FBN3: variants seen among roughly 807,000 people sequenced by gnomAD.
FBN3 encodes the protein fibrillin 3.
In FBN3, 234 loss-of-function variants were observed where a neutral mutation model predicts 330.1. The ratio of observed to expected loss-of-function variants is 0.71; its 90% CI spans 0.64 to 0.79. The LOEUF is 0.79. Ranked by LOEUF, FBN3 falls within the 30% of genes least tolerant of loss-of-function variation. The pLI is 0.00. For missense variants in FBN3, 3,606 were observed against 3,886.9 expected (o/e 0.93, Z 1.92); for synonymous variants, 1,458 against 1,517.3 (o/e 0.96, Z 0.91).
In FBN3 at chr19:8,087,754, G is replaced by A. The variant is rs545429321; in HGVS notation, c.6619+71C>T. 66 of 1,371,764 alleles carry A rather than the reference G, an allele frequency of 4.8e-5. No homozygotes were observed. The South Asian group carries it at 6.1e-4, about 13-fold the overall frequency. The allele number at this position is 1,371,764 out of a possible 1,614,324, so 85.0% of individuals were successfully genotyped here. A position where few individuals can be genotyped will look rare whatever the true frequency, so the allele number is the denominator to read the frequency against. ...CTCCCAAGTAGCTGGGATTACAGGC[G>A]TGTGCCACCATGCCCAGCTAATTTT... On this transcript the variant is annotated intron_variant, in intron 53 of 63. Coordinates refer to ENST00000600128, the MANE Select transcript of FBN3 (RefSeq NM_032447.5).
At chr19:8,100,351 CA>C (rs201560844) in intron 41 of FBN3, among the ~76,000 whole-genome samples, 2,383 of 139,922 alleles carry the variant, frequency 0.017, 23 homozygotes, top group Non-Finnish European at 0.019. Context: ...TTCTCGGAGA[CA>C]AAAAAAAAAA....
At chr19:8,112,269 C>A (rs2082606888) in intron 30 of FBN3, among the ~76,000 whole-genome samples, 170 bp from the exon 31 acceptor site, 1 of 152,056 alleles carries the variant, frequency 6.6e-6, no homozygotes, top group South Asian at 2.1e-4. Flanking sequence ...AAGAGGAAAA[C>A]CCCGAAACCC....
chr19:8,113,841 CAAA>C (rs34470005), intron 30 of FBN3, among the ~76,000 whole-genome samples: 4 of 117,874 alleles, frequency 3.4e-5, no homozygotes, highest in African/African-American at 9.7e-5. Context: ...ACTATCTCTA[CAAA>C]AAAAAAAAAA....
In FBN3 at chr19:8,112,106, G is replaced by A. The variant is rs1218815065; in HGVS notation, c.3839-7C>T. The A allele has an allele frequency of 6.2e-7, 1 of 1,611,980 alleles. No homozygotes were observed. The highest frequency in any genetic ancestry group is 1.3e-5 in the African/African-American group (1 of 74,852). ...ACCTCGCATTCATCCACATCTAAAG[G>A]GAGAGGAGGCACGACGCCAAGACCC... is the stretch of plus-strand genomic sequence containing the variant. On this transcript the variant is annotated splice_region_variant and splice_polypyrimidine_tract_variant and intron_variant, in intron 30 of 63. Transcript: ENST00000600128.
chr19:8,084,281 A>C (rs1356616850), intron 56 of FBN3, among the ~76,000 whole-genome samples: 2 of 152,104 alleles, frequency 1.3e-5, no homozygotes, highest in Non-Finnish European at 1.5e-5. Flanking sequence ...ACTGCCTTCT[A>C]CTTCACAGAT....
At chr19:8,083,805 C>CCTTTCTTTTT (rs2081866091) in intron 56 of FBN3, among the ~76,000 whole-genome samples, 1 of 134,086 alleles carries the variant, frequency 7.5e-6, no homozygotes, top group Non-Finnish European at 1.6e-5. Flanking sequence ...ACTATTTTTT[C>CCTTTCTTTTT]TTTTTTTTTT....
chr19:8,073,232 C>T lies in FBN3; in HGVS notation c.7768G>A (p.Gly2590Ser), dbSNP rs745363817. The change falls in exon 62 of 64, where the codon GGC becomes AGC. Residue 2590 changes from glycine to serine, a missense_variant. Physicochemically the swap from Gly to Ser is moderately conservative, Grantham distance 56. Transcript: ENST00000600128. ...CCAGAGGGGCAGACGCAGCGGAAGC[C>T]ACCAAGAGTGTTGCGACAGGAGGCG... ...GSASCRNTLG[G>S]FRCVCPSGFD... 11 of 1,614,084 alleles carry T rather than the reference C, an allele frequency of 6.8e-6. No homozygotes were observed. In the South Asian group the frequency reaches 9.9e-5, roughly 14 times the overall value.
chr19:8,107,355 GA>G (rs1480252676), intron 37 of FBN3, among the ~76,000 whole-genome samples: 4 of 141,464 alleles, frequency 2.8e-5, no homozygotes, highest in Admixed American at 7.0e-5. Context: ...AGAAGGATAG[GA>G]GGGGAATAAG....
chr19:8,081,966 T>C (rs2081798154), intron 57 of FBN3, among the ~76,000 whole-genome samples: 1 of 150,914 alleles, frequency 6.6e-6, no homozygotes, highest in Admixed American at 6.6e-5. Context: ...CTTCCTTGTT[T>C]CTCTCTTTCT....
At chr19:8,077,988 G>T (rs2081681687) in intron 59 of FBN3, among the ~76,000 whole-genome samples, 2 of 152,038 alleles carry the variant, frequency 1.3e-5, no homozygotes, top group Non-Finnish European at 2.9e-5. Flanking sequence ...GAGGCAGGAG[G>T]ATCGCTTGAA....
In FBN3 at chr19:8,126,613, G is replaced by T; in HGVS notation, c.2417-8C>A. On this transcript the variant is annotated splice_region_variant and splice_polypyrimidine_tract_variant and intron_variant, in intron 19 of 63. Transcript: ENST00000600128. ...AGGTGCCCTTGGTGCTGTCTGGGGA[G>T]AAGAGGCGGGTCACCTGTCTCACCT... 1 of 1,606,316 alleles carries T rather than the reference G, an allele frequency of 6.2e-7. No individual in the cohort carries two copies.
chr19:8,080,977 C>A, intron 59 of FBN3, 26 bp downstream of exon 59: 1 of 1,510,388 alleles, frequency 6.6e-7, no homozygotes, highest in East Asian at 2.2e-5. Context: ...TGGGTCACCT[C>A]CCGGTGAGGG....
intron 56 of FBN3, among the ~76,000 whole-genome samples, chr19:8,084,910 G>A (rs547049637): frequency 6.7e-6 from 1 of 149,678 alleles, no homozygotes; most frequent in African/African-American, 2.5e-5. Context: ...TTTTGGAGAC[G>A]AGGTCTTGCT....
chr19:8,070,676 A>C (rs993438880), intron 63 of FBN3, among the ~76,000 whole-genome samples: 1 of 152,224 alleles, frequency 6.6e-6, no homozygotes, highest in Non-Finnish European at 1.5e-5. Context: ...TAACTTGGGC[A>C]TGTGCCCTAA....
At position 8,131,574 on chromosome 19, in the gene FBN3, A is replaced by G. The variant is rs1460071364; in HGVS notation, c.1970T>C (p.Leu657Pro). 1 of 1,610,516 alleles carries G rather than the reference A, an allele frequency of 6.2e-7. No homozygotes were observed. The highest frequency in any genetic ancestry group is 1.7e-5 in the Admixed American group (1 of 59,838). Residue 657 changes from leucine to proline, a missense_variant, in exon 15 of 64, where the codon CTT becomes CCT. Leu to Pro is a moderately conservative substitution (Grantham distance 98). Coordinates refer to ENST00000600128, the MANE Select transcript of FBN3 (RefSeq NM_032447.5). This position sits in a 1 kb window ranked among gnomAD's most constrained non-coding sequence, Gnocchi z 4.5. ...CTCACCGGAGTCTTTGGCAGGACAAAGCTGGCAGGGCTCCCCAAAACCGTG... is the reference window on the plus strand; with the variant it reads ...CTCACCGGAGTCTTTGGCAGGACAAGGCTGGCAGGGCTCCCCAAAACCGTG... ...PDHGFGEPCQLCPAKDSAEFQ... is the reference protein window; with the variant it reads ...PDHGFGEPCQPCPAKDSAEFQ...
At chr19:8,107,733 G>A (rs1737483728) in intron 37 of FBN3, among the ~76,000 whole-genome samples, 1 of 151,246 alleles carries the variant, frequency 6.6e-6, no homozygotes, top group African/African-American at 2.4e-5. Flanking sequence ...ATGGAAGTAT[G>A]GAAGGAAGAA....
chr19:8,088,336 G>A (rs1000643727), intron 51 of FBN3, among the ~76,000 whole-genome samples, 157 bp from the exon 52 acceptor site: 29 of 152,190 alleles, frequency 1.9e-4, no homozygotes, highest in Admixed American at 8.5e-4. Context: ...TGTGTTTAGT[G>A]AATGAATGAG....
At position 8,109,457 on chromosome 19, in the gene FBN3, G is replaced by A. The variant is rs999126340; in HGVS notation, c.4457-69C>T. On this transcript the variant is annotated intron_variant, in intron 35 of 63. Coordinates refer to ENST00000600128, the MANE Select transcript of FBN3 (RefSeq NM_032447.5). This position sits in a 1 kb window ranked among gnomAD's most constrained non-coding sequence, Gnocchi z 5.2. ...GCTGTATGTGTGCGTGTGCATGCAT[G>A]TGTCTATTTCAACAGGTGACAAGGA... The A allele has an allele frequency of 2.6e-6, 4 of 1,566,590 alleles. No individual in the cohort carries two copies. The highest frequency in any genetic ancestry group is 2.2e-5 in the East Asian group (1 of 44,466).
intron 63 of FBN3, among the ~76,000 whole-genome samples, chr19:8,068,649 C>T (rs1203182285): frequency 6.6e-6 from 1 of 151,664 alleles, no homozygotes; most frequent in Non-Finnish European, 1.5e-5. Context: ...CTGCAGTGAG[C>T]TATGATTGCG....
Sources: allele counts gnomAD v4.1 joint callset (sites outside exome capture counted in the v4.1 genomes callset), GRCh38; gene constraint gnomAD v4.1.1; non-coding constraint Gnocchi (gnomAD v3.1); transcripts MANE v1.5; gene names NCBI Gene and HGNC (gene_info 2026-07-23, HGNC 2026-07-21).